Variants in PREX1 observed in about 807,000 individuals in gnomAD.
PREX1 encodes the protein phosphatidylinositol-3,4,5-trisphosphate dependent Rac exchange factor 1, also known as phosphatidylinositol 3,4,5-trisphosphate-dependent Rac exchanger 1 protein.
In PREX1, 41 loss-of-function variants were observed where a neutral mutation model predicts 198.3. That is an observed-to-expected ratio of 0.21 (90% CI 0.16 to 0.27). PREX1 has a LOEUF of 0.27. PREX1 is among the 10% of genes least tolerant of loss of function. The pLI is 1.00. For synonymous variants in PREX1, 843 were observed against 887.2 expected, an observed-to-expected ratio of 0.95 and a Z score of 0.89; for missense variants, 1,620 against 2,200.7, an observed-to-expected ratio of 0.74 and a Z score of 5.28.
At chr20:48,726,818 T>A (rs771861846) in intron 4 of PREX1, among the ~76,000 whole-genome samples, 1 of 152,152 alleles carries the variant, frequency 6.6e-6, no homozygotes, top group East Asian at 1.9e-4. Flanking sequence ...CAGTAAAAAA[T>A]GGGACGCGAC....
chr20:48,716,890 C>T (rs1426093603), intron 5 of PREX1, among the ~76,000 whole-genome samples: 4 of 152,152 alleles, frequency 2.6e-5, no homozygotes, highest in South Asian at 2.1e-4. Flanking sequence ...CTCCTGAGCA[C>T]AAGGCTGGCA....
chr20:48,707,855 C>T (rs895468100), intron 6 of PREX1, among the ~76,000 whole-genome samples: 1 of 152,102 alleles, frequency 6.6e-6, no homozygotes, highest in Non-Finnish European at 1.5e-5. Context: ...TAAAGTCACC[C>T]AGCAAAGGAG....
At chr20:48,777,167 G>A (rs1568860410) in intron 1 of PREX1, among the ~76,000 whole-genome samples, 2 of 152,078 alleles carry the variant, frequency 1.3e-5, no homozygotes, top group East Asian at 3.9e-4. Flanking sequence ...TGGGAAGGGG[G>A]AAGTACAGCC....
intron 33 of PREX1, 85 bp downstream of exon 33, chr20:48,634,591 G>A (rs553067478): frequency 1.4e-6 from 2 of 1,389,748 alleles, no homozygotes; most frequent in East Asian, 4.7e-5. Flanking sequence ...CCAGAGGCAG[G>A]GGAAGGACAG....
intron 15 of PREX1, among the ~76,000 whole-genome samples, chr20:48,661,445 ATATATATAT>A (rs1247773212): frequency 3.8e-5 from 2 of 53,150 alleles, no homozygotes; most frequent in African/African-American, 2.5e-4. Flanking sequence ...AAAAAAAAAA[ATATATATAT>A]ATATATATAT....
Position 48,651,420 on chromosome 20 carries a change from G to C in PREX1, c.2631C>G (p.Arg877=), listed in dbSNP as rs143006779. The C allele has an allele frequency of 6.2e-7, 1 of 1,610,222 alleles. No individual in the cohort carries two copies. Among genetic ancestry groups the C allele is most frequent in the Non-Finnish European group, 8.5e-7 (1 of 1,177,310 alleles). ...CCTTGGCGGTGAGGCCGAAGCAGCCGCGGGGCTCCACGATCTTCTCCAGCA... is the reference window on the plus strand; with the variant it reads ...CCTTGGCGGTGAGGCCGAAGCAGCCCCGGGGCTCCACGATCTTCTCCAGCA... ...CHVLEKIVEP[R]GCFGLTAKIL... is the part of the protein sequence containing the mutation. Residue 877 remains arginine (R), a synonymous_variant, in exon 22 of 40, where the codon CGC becomes CGG. Transcript: ENST00000371941.
the PREX1 span, among the ~76,000 whole-genome samples, chr20:48,837,884 AAG>A: frequency 1.3e-5 from 2 of 152,154 alleles, no homozygotes; most frequent in Non-Finnish European, 2.9e-5. Context: ...GAAAAAAAAA[AAG>A]AGTGGTGGCA....
intron 14 of PREX1, among the ~76,000 whole-genome samples, chr20:48,673,426 G>A (rs1370204209): frequency 6.6e-6 from 1 of 152,182 alleles, no homozygotes; most frequent in Non-Finnish European, 1.5e-5. Flanking sequence ...CCCACCCTGA[G>A]TTAGGCATGG....
chr20:48,758,733 G>A (rs2090165937), intron 1 of PREX1, among the ~76,000 whole-genome samples: 1 of 152,224 alleles, frequency 6.6e-6, no homozygotes, highest in South Asian at 2.1e-4. Flanking sequence ...GCGTGTATCT[G>A]AGGATACAGC....
chr20:48,719,185 C>G (rs918294044), intron 5 of PREX1, among the ~76,000 whole-genome samples: 16 of 152,196 alleles, frequency 1.1e-4, no homozygotes, highest in Non-Finnish European at 2.1e-4. Flanking sequence ...CACTCTTAAC[C>G]ACACACAGTA....
At chr20:48,741,858 G>T (rs2090083623) in intron 3 of PREX1, among the ~76,000 whole-genome samples, 1 of 152,286 alleles carries the variant, frequency 6.6e-6, no homozygotes, top group South Asian at 2.1e-4. Flanking sequence ...GGTGAGAATG[G>T]GCTTGCCATG....
intron 15 of PREX1, among the ~76,000 whole-genome samples, chr20:48,663,390 G>A (rs963590027): frequency 6.6e-6 from 1 of 152,198 alleles, no homozygotes; most frequent in Non-Finnish European, 1.5e-5. Flanking sequence ...GGCTGGGTGT[G>A]GTGGCGCATG....
At chr20:48,668,938 C>A (rs2089657727) in intron 14 of PREX1, among the ~76,000 whole-genome samples, 1 of 152,152 alleles carries the variant, frequency 6.6e-6, no homozygotes, top group Admixed American at 6.5e-5. Flanking sequence ...CAGTCCCAGC[C>A]TCCCCACAGG....
intron 1 of PREX1, among the ~76,000 whole-genome samples, chr20:48,754,060 C>G (rs1026057774): frequency 2.6e-5 from 4 of 152,182 alleles, no homozygotes; most frequent in African/African-American, 9.7e-5. Context: ...TCAAGAGAGA[C>G]TGGTATGTGG....
chr20:48,677,712 C>T lies in PREX1; in HGVS notation c.1590-1444G>A, dbSNP rs147194660. On this transcript the variant is annotated intron_variant, in intron 13 of 39. Transcript: ENST00000371941. ...AAATTTCAATCAATAAGGCCAGGCA[C>T]GGTGGCTCACACCTGTAATCCCAGC... 1.9e-3 allele frequency among the ~76,000 whole-genome samples: 291 copies of T among 152,318 alleles called. 2 individuals are homozygous for T. Among genetic ancestry groups the T allele is most frequent in the African/African-American group, 6.8e-3 (281 of 41,580 alleles).
At chr20:48,848,646 GT>G in the PREX1 span, among the ~76,000 whole-genome samples, 24 of 152,302 alleles carry the variant, frequency 1.6e-4, no homozygotes, top group African/African-American at 5.5e-4. Flanking sequence ...GCACCCACCA[GT>G]CCCCCCAGAA....
the PREX1 span, among the ~76,000 whole-genome samples, chr20:48,862,406 C>T: frequency 6.6e-6 from 1 of 152,000 alleles, no homozygotes; most frequent in African/African-American, 2.4e-5. Context: ...CTTCTAAGCA[C>T]CATGCATATT....
chr20:48,676,169 A>G, intron 14 of PREX1, 24 bp downstream of exon 14: 2 of 1,605,460 alleles, frequency 1.2e-6, no homozygotes, highest in Non-Finnish European at 1.7e-6. Flanking sequence ...AACACTGGTC[A>G]CACACCCCTG....
chr20:48,686,574 C>T (rs1282944004), intron 10 of PREX1, among the ~76,000 whole-genome samples: 2 of 152,202 alleles, frequency 1.3e-5, no homozygotes, highest in South Asian at 2.1e-4. Flanking sequence ...CCAGGGGGCC[C>T]GGAAGCAGGC....
Sources: allele counts gnomAD v4.1 joint callset (sites outside exome capture counted in the v4.1 genomes callset), GRCh38; gene constraint gnomAD v4.1.1; transcripts MANE v1.5; gene names NCBI Gene and HGNC (gene_info 2026-07-23, HGNC 2026-07-21).